The following TNRC18 variants were observed in gnomAD, a reference collection of about 807,000 sequenced individuals.
TNRC18 encodes trinucleotide repeat containing 18.
A neutral mutation model predicts 226.7 loss-of-function variants in TNRC18; 69 were observed. The ratio of observed to expected loss-of-function variants is 0.30; its 90% CI spans 0.25 to 0.37. The LOEUF (loss-of-function observed/expected upper bound fraction) is 0.37, where lower values mean the gene tolerates loss of function less well. Ranked by LOEUF, TNRC18 falls within the 10% of genes least tolerant of loss-of-function variation. The pLI, the probability that TNRC18 is intolerant of heterozygous loss-of-function variation, is 1.00. For missense variants in TNRC18, 4,754 were observed against 4,256.6 expected (o/e 1.12, Z -3.25); for synonymous variants, 2,449 against 1,927.6 (o/e 1.27, Z -7.09).
intron 24 of TNRC18, 89 bp downstream of exon 24, chr7:5,320,229 T>G (rs539468578): frequency 2.0e-6 from 2 of 1,019,788 alleles, no homozygotes; most frequent in Admixed American, 4.1e-5. Context: ...TCTTTATTCT[T>G]AAGCCAGTTA....
chr7:5,328,828 TA>T, intron 19 of TNRC18, among the ~76,000 whole-genome samples: 1 of 151,850 alleles, frequency 6.6e-6, no homozygotes, highest in Non-Finnish European at 1.5e-5. Context: ...CGTCTCTTAT[TA>T]AAAGAAAAAT....
intron 3 of TNRC18, 53 bp from the exon 4 acceptor site, chr7:5,390,681 G>A: frequency 6.9e-7 from 1 of 1,453,120 alleles, no homozygotes; most frequent in Non-Finnish European, 9.1e-7. Context: ...TGCTCACCAG[G>A]AGCTTCCTTC....
In TNRC18 at chr7:5,316,065, C is replaced by G. The variant is rs772291668; in HGVS notation, c.6753G>C (p.Leu2251=). 8 of 1,610,920 alleles carry G rather than the reference C, an allele frequency of 5.0e-6. No individual in the cohort carries two copies. The South Asian group carries it at 8.8e-5, about 18-fold the overall frequency. The part of the protein sequence containing the change: ...LYPGTVVRGL[L]DLEDDGDLIT... ...TCAAGTCCCCATCGTCCTCCAGGTC[C>G]AGTAACCCTGTGGGAAGAGGGGAGG... The change falls in exon 25 of 30, where the codon CTG becomes CTC. Residue 2251 remains leucine (L), a synonymous_variant. Coordinates refer to ENST00000430969, the MANE Select transcript of TNRC18 (RefSeq NM_001080495.3).
At position 5,389,334 on chromosome 7, in the gene TNRC18, C is replaced by A; in HGVS notation, c.490G>T (p.Gly164Cys). 1.6e-6 allele frequency: 2 copies of A among 1,280,084 alleles called. No individual in the cohort carries two copies. Among genetic ancestry groups the A allele is most frequent in the South Asian group, 5.6e-5 (2 of 35,882 alleles). The allele number at this position is 1,280,084 out of a possible 1,614,324, so 79.3% of individuals were successfully genotyped here. The change falls in exon 5 of 30, where the codon GGT becomes TGT. Residue 164 changes from glycine to cysteine, a missense_variant and splice_region_variant. Physicochemically the swap from Gly to Cys is radical, Grantham distance 159. Coordinates refer to ENST00000430969, the MANE Select transcript of TNRC18 (RefSeq NM_001080495.3). ...GCCCCCGCGGTGGGCAGGTAGAAAC[C>A]GTCTGCGGAGAAGGGAACAGCAGGC... is the stretch of plus-strand genomic sequence containing the variant. ...TQKGQGPGGDGFYLPTAGAPG... is the reference protein window; with the variant it reads ...TQKGQGPGGDCFYLPTAGAPG...
In TNRC18 at chr7:5,309,416, G is replaced by A; in HGVS notation, c.8389-48C>T. 6.6e-7 allele frequency: 1 copy of A among 1,524,966 alleles called. No homozygotes were observed. Among genetic ancestry groups the A allele is most frequent in the Non-Finnish European group, 8.9e-7 (1 of 1,128,502 alleles). 94.5% of individuals were successfully genotyped at this position (1,524,966 alleles called of 1,614,324 possible). ...GCACAGGCCCTGGCCCAGCCCCAAGGAGCCCGCCGCCTGGCAGGCTCTGCC... is the reference window on the plus strand; with the variant it reads ...GCACAGGCCCTGGCCCAGCCCCAAGAAGCCCGCCGCCTGGCAGGCTCTGCC... On this transcript the variant is annotated intron_variant, in intron 27 of 29. Transcript: ENST00000430969. The surrounding 1 kb of genome is among the most constrained non-coding windows in gnomAD (Gnocchi z 5.7).
At position 5,345,650 on chromosome 7, in the gene TNRC18, G is replaced by T; in HGVS notation, c.5631C>A (p.Pro1877=). The change falls in exon 18 of 30, where the codon CCC becomes CCA. Residue 1877 remains proline (P), a synonymous_variant. Coordinates refer to ENST00000430969, the MANE Select transcript of TNRC18 (RefSeq NM_001080495.3). ...LLARFAASAL[P]SPTVGPSLSV... is the part of the protein sequence containing the mutation. ...ACAGGGATGGACCCACCGTGGGGCT[G>T]GGGAGGGCGCTGGCGGCGAAGCGTG... 1 of 1,555,776 alleles carries T rather than the reference G, an allele frequency of 6.4e-7. No homozygotes were observed. Among genetic ancestry groups the T allele is most frequent in the South Asian group, 1.2e-5 (1 of 84,314 alleles).
In TNRC18 at chr7:5,359,538, C is replaced by T; in HGVS notation, c.4693G>A (p.Asp1565Asn). 1 of 1,613,994 alleles carries T rather than the reference C, an allele frequency of 6.2e-7. No individual in the cohort carries two copies. The highest frequency in any genetic ancestry group is 8.5e-7 in the Non-Finnish European group (1 of 1,179,898). The change falls in exon 15 of 30, where the codon GAT becomes AAT. Residue 1565 changes from aspartate to asparagine, a missense_variant. Physicochemically the swap from Asp to Asn is conservative, Grantham distance 23. Coordinates refer to ENST00000430969, the MANE Select transcript of TNRC18 (RefSeq NM_001080495.3). Reference protein sequence around the residue: ...LSSKSLLTSDDYELGAGIRKR... With the variant: ...LSSKSLLTSDNYELGAGIRKR... ...CTTATCCCTGCTCCCAGCTCATAAT[C>T]ATCTGATGTCAGCAGAGACTTGCTG... is the stretch of plus-strand genomic sequence containing the variant.
Position 5,308,969 on chromosome 7 carries a change from G to T in TNRC18, c.8626-20C>A. The T allele has an allele frequency of 6.3e-7, 1 of 1,593,476 alleles. No homozygotes were observed. Among genetic ancestry groups the T allele is most frequent in the Non-Finnish European group, 8.5e-7 (1 of 1,171,580 alleles). On this transcript the variant is annotated intron_variant, in intron 28 of 29. Transcript: ENST00000430969. ...CCAGTGCTGTGTGGGGGAGAGAGGA[G>T]GGGCTTGGGTGAGCCCGGGGGCTGC... is the stretch of plus-strand genomic sequence containing the variant.
intron 22 of TNRC18, 128 bp from the exon 23 acceptor site, chr7:5,320,735 T>G: frequency 1.3e-6 from 1 of 792,142 alleles, no homozygotes; most frequent in Non-Finnish European, 2.0e-6. Flanking sequence ...TTTGCTGACT[T>G]GCTGAATTTG....
At chr7:5,400,810 G>A (rs1033326136) in intron 2 of TNRC18, among the ~76,000 whole-genome samples, 18 of 152,004 alleles carry the variant, frequency 1.2e-4, no homozygotes, top group Non-Finnish European at 2.1e-4. Context: ...AGGTCAAGGT[G>A]GGCAGCAGAT....
chr7:5,309,255 G>A lies in TNRC18; in HGVS notation c.8502C>T (p.Asn2834=), dbSNP rs1583709818. ...TCTGGATGCGGCCGATGTAGGGCAG[G>A]TTGGGGCGGCCGGCAGAGAGGAACA... ...CAVFLSAGRP[N]LPYIGRIQSM... Residue 2834 remains asparagine (N), a synonymous_variant, in exon 28 of 30, where the codon AAC becomes AAT. Coordinates refer to ENST00000430969, the MANE Select transcript of TNRC18 (RefSeq NM_001080495.3). The surrounding 1 kb of genome is among the most constrained non-coding windows in gnomAD (Gnocchi z 5.7). 17 of 1,613,900 alleles carry A rather than the reference G, an allele frequency of 1.1e-5. No homozygotes were observed. Among genetic ancestry groups the A allele is most frequent in the South Asian group, 5.5e-5 (5 of 91,078 alleles).
intron 2 of TNRC18, among the ~76,000 whole-genome samples, chr7:5,413,687 T>C (rs1781983436): frequency 6.6e-6 from 1 of 151,950 alleles, no homozygotes; most frequent in South Asian, 2.1e-4. Context: ...TTCGCCACCA[T>C]GCCTAACTAG....
At chr7:5,382,276 G>T (rs948073114) in intron 5 of TNRC18, among the ~76,000 whole-genome samples, 1 of 152,168 alleles carries the variant, frequency 6.6e-6, no homozygotes, top group African/African-American at 2.4e-5. Flanking sequence ...AGTGCCACAG[G>T]GCCCTCTCCA....
chr7:5,406,725 C>A (rs1476059986), intron 2 of TNRC18, among the ~76,000 whole-genome samples: 1 of 151,684 alleles, frequency 6.6e-6, no homozygotes, highest in East Asian at 1.9e-4. Context: ...GTGGCAGATG[C>A]CTGTAATTGA....
chr7:5,355,382 C>G (rs1434889957), intron 16 of TNRC18, among the ~76,000 whole-genome samples: 1 of 152,192 alleles, frequency 6.6e-6, no homozygotes, highest in Non-Finnish European at 1.5e-5. Context: ...AATCCCAGCA[C>G]TTTGGGAGGC....
rs546672073 is a variant in TNRC18, at chr7:5,419,017, C to A, written c.187+2043G>T. Among the ~76,000 whole-genome samples, 14 of 152,358 alleles carry A rather than the reference C, an allele frequency of 9.2e-5. 1 individual carries two copies. In the South Asian group the frequency reaches 1.7e-3, roughly 18 times the overall value. ...GGTTCAAGGGGGCGGCAGCTGTCCT[C>A]CTGCTGTTTCCTCCCCGACCTCAGC... On this transcript the variant is annotated intron_variant, in intron 2 of 29. Transcript: ENST00000430969.
rs112615228 is a variant in TNRC18 at position 5,312,917 on chromosome 7, T to C, written c.7974A>G (p.Ser2658=). 2.1e-6 allele frequency: 3 copies of C among 1,404,002 alleles called. No homozygotes were observed. Among genetic ancestry groups the C allele is most frequent in the Non-Finnish European group, 1.9e-6 (2 of 1,057,212 alleles). The allele number at this position is 1,404,002 out of a possible 1,614,324, so 87.0% of individuals were successfully genotyped here. ...SSSSSSSSSS[S]SSSSSSSSSS... is the part of the protein sequence containing the mutation. ...AGGAAGAGGAGGAGGAGGAGGAGGA[T>C]GAGGACGAGGAAGAGGAGGAGGAGG... is the stretch of plus-strand genomic sequence containing the variant. Residue 2658 remains serine, a synonymous_variant, in exon 27 of 30, where the codon TCA becomes TCG. Coordinates refer to ENST00000430969, the MANE Select transcript of TNRC18 (RefSeq NM_001080495.3). The surrounding 1 kb of genome is among the most constrained non-coding windows in gnomAD (Gnocchi z 6.3).
At chr7:5,351,491 G>A (rs1159408803) in intron 17 of TNRC18, among the ~76,000 whole-genome samples, 1 of 141,878 alleles carries the variant, frequency 7.0e-6, no homozygotes, top group Non-Finnish European at 1.5e-5. Flanking sequence ...GGGGGTGGGG[G>A]GAACTCGGGG....
intron 2 of TNRC18, among the ~76,000 whole-genome samples, chr7:5,403,939 G>C (rs1781287704): frequency 6.6e-6 from 1 of 152,148 alleles, no homozygotes; most frequent in African/African-American, 2.4e-5. Context: ...CGAGATAGCA[G>C]CTAAAAATCC....
Sources: allele counts gnomAD v4.1 joint callset (sites outside exome capture counted in the v4.1 genomes callset), GRCh38; gene constraint gnomAD v4.1.1; non-coding constraint Gnocchi (gnomAD v3.1); transcripts MANE v1.5; gene names NCBI Gene and HGNC (gene_info 2026-07-23, HGNC 2026-07-21).